PIGV: variants seen among roughly 807,000 people sequenced by gnomAD.
The protein encoded by PIGV is phosphatidylinositol glycan anchor biosynthesis class V.
In PIGV, 27 loss-of-function variants were observed where a neutral mutation model predicts 39.2. The observed-to-expected ratio is 0.69, with a 90% CI of 0.51 to 0.95. The LOEUF is 0.95. Among genes scored for constraint, PIGV ranks in the 40% least tolerant of loss-of-function variants. The probability of loss-of-function intolerance (pLI) is 0.00; values close to 1 mark genes in which losing one functional copy is unlikely to be tolerated. For synonymous variants in PIGV, 232 were observed against 241.7 expected (o/e 0.96, Z 0.37); for missense variants, 523 against 586.4 (o/e 0.89, Z 1.12).
At position 26,799,086 on chromosome 1, in the gene PIGV, C is replaced by A. The variant is rs1206133633; in HGVS notation, c.*1242C>A. Among the ~76,000 whole-genome samples the A allele has an allele frequency of 2.6e-5, 4 of 152,184 alleles. No homozygotes were observed. Among genetic ancestry groups the A allele is most frequent in the Non-Finnish European group, 5.9e-5 (4 of 68,036 alleles). On this transcript the variant is annotated 3_prime_UTR_variant, in exon 4 of 4. Transcript: ENST00000674202. ...TGATTTTAGGAGAAAATATCCAGTT[C>A]TCCTGTTTTCAGCAATTAGAAGAAA... is the stretch of plus-strand genomic sequence containing the variant.
At chr1:26,792,841 G>A (rs2081330354) in intron 2 of PIGV, among the ~76,000 whole-genome samples, 1 of 152,204 alleles carries the variant, frequency 6.6e-6, no homozygotes, top group African/African-American at 2.4e-5. Flanking sequence ...TAATGAAGAT[G>A]ATGTGTGCAG....
At position 26,789,800 on chromosome 1, in the gene PIGV, A is replaced by AT. The variant is rs533958874; in HGVS notation, c.-57-949dup. On this transcript the variant is annotated intron_variant, in intron 1 of 3. Transcript: ENST00000674202. The stretch of plus-strand genomic sequence containing the variant: ...GTCCTCCTTAAATTTCTCAGTTCAA[A>AT]TTTTTTTTTTCCTTTTAGGCATAGT... 6.0e-3 allele frequency among the ~76,000 whole-genome samples: 909 copies of AT among 150,490 alleles called. 10 individuals carry two copies. Among genetic ancestry groups the AT allele is most frequent in the Non-Finnish European group, 9.9e-3 (670 of 67,462 alleles).
upstream of PIGV, among the ~76,000 whole-genome samples, chr1:26,787,136 A>G (rs1026646335): frequency 6.6e-6 from 1 of 152,242 alleles, no homozygotes; most frequent in African/African-American, 2.4e-5. Flanking sequence ...CTGAGAAACA[A>G]GAAATCCACC....
chr1:26,792,865 GTC>G (rs1416619653), intron 2 of PIGV, among the ~76,000 whole-genome samples: 1 of 152,234 alleles, frequency 6.6e-6, no homozygotes, highest in African/African-American at 2.4e-5. Context: ...CCTGAAAAGA[GTC>G]TATCACTTGA....
Position 26,799,976 on chromosome 1 carries a change from G to A in PIGV, c.*2132G>A, listed in dbSNP as rs1233961307. Among the ~76,000 whole-genome samples, 1 of 152,114 alleles carries A rather than the reference G, an allele frequency of 6.6e-6. No homozygotes were observed. Among genetic ancestry groups the A allele is most frequent in the African/African-American group, 2.4e-5 (1 of 41,410 alleles). Reference sequence around the variant, plus strand: ...CACTGGGTTCTTCGCTCTCCTCTTTGCCTCCTTTTGGGGGATAATCAGGAC... The same window carrying A: ...CACTGGGTTCTTCGCTCTCCTCTTTACCTCCTTTTGGGGGATAATCAGGAC... On this transcript the variant is annotated 3_prime_UTR_variant, in exon 4 of 4. Coordinates refer to ENST00000674202, the MANE Select transcript of PIGV (RefSeq NM_017837.4).
chr1:26,791,995 G>A (rs944323062), intron 2 of PIGV, among the ~76,000 whole-genome samples: 4 of 152,160 alleles, frequency 2.6e-5, no homozygotes, highest in Non-Finnish European at 4.4e-5. Context: ...GCTCTAATTC[G>A]GGTGGTAATT....
chr1:26,792,082 C>T (rs1208310112), intron 2 of PIGV, among the ~76,000 whole-genome samples: 1 of 152,216 alleles, frequency 6.6e-6, no homozygotes, highest in Admixed American at 6.5e-5. Context: ...GTTCCAAGAA[C>T]TGTGCTAGGT....
Position 26,794,832 on chromosome 1 carries a change from A to T in PIGV, c.798A>T (p.Pro266=). 1 of 1,613,906 alleles carries T rather than the reference A, an allele frequency of 6.2e-7. No homozygotes were observed. Among genetic ancestry groups the T allele is most frequent in the Non-Finnish European group, 8.5e-7 (1 of 1,179,810 alleles). ...QYYAYTQFCL[P]GSARPIPEPL... ...ATGCCTACACCCAATTCTGTCTGCCAGGCTCAGCCCGCCCCATTCCTGAGC... is the reference window on the plus strand; with the variant it reads ...ATGCCTACACCCAATTCTGTCTGCCTGGCTCAGCCCGCCCCATTCCTGAGC... Residue 266 remains proline (P), a synonymous_variant, in exon 3 of 4, where the codon CCA becomes CCT. Coordinates refer to ENST00000674202, the MANE Select transcript of PIGV (RefSeq NM_017837.4).
At chr1:26,788,862 G>A (rs2081274613) in intron 1 of PIGV, 1 of 152,268 alleles carries the variant, frequency 6.6e-6, no homozygotes. Flanking sequence ...TGGCAAAGGG[G>A]TTGTTGGGAA....
At chr1:26,796,780 T>G (rs2081389835) in intron 3 of PIGV, among the ~76,000 whole-genome samples, 1 of 152,200 alleles carries the variant, frequency 6.6e-6, no homozygotes, top group African/African-American at 2.4e-5. Flanking sequence ...GGTTCTCAAC[T>G]CAGGCAGGCC....
In PIGV at chr1:26,794,882, A is replaced by G. The variant is rs1480010905; in HGVS notation, c.848A>G (p.Lys283Arg). The change falls in exon 3 of 4, where the codon AAG (lysine) becomes AGG (arginine). Residue 283 changes from lysine (K) to arginine (R), a missense_variant. Transcript: ENST00000674202. ...CCTTTGGTACAGTTAGCTGTAGACA[A>G]GGGCTACCGGATTGCAGAGGGAAAT... The part of the protein sequence containing the change: ...PEPLVQLAVD[K>R]GYRIAEGNEP... 1.2e-6 allele frequency: 2 copies of G among 1,614,190 alleles called. No individual in the cohort carries two copies. The highest frequency in any genetic ancestry group is 1.7e-6 in the Non-Finnish European group (2 of 1,180,036).
At chr1:26,791,755 G>A (rs1383129383) in intron 2 of PIGV, among the ~76,000 whole-genome samples, 1 of 152,174 alleles carries the variant, frequency 6.6e-6, no homozygotes, top group Non-Finnish European at 1.5e-5. Flanking sequence ...GGCTAGGGCT[G>A]TTTATCTGTG....
At chr1:26,797,438 A>G (rs2081398433) in intron 3 of PIGV, 125 bp from the exon 4 acceptor site, 3 of 797,108 alleles carry the variant, frequency 3.8e-6, no homozygotes. Flanking sequence ...TTTCTTTTCC[A>G]GTGTAATACA....
rs1401468759 is a variant in PIGV at position 26,799,127 on chromosome 1, G to A, written c.*1283G>A. Among the ~76,000 whole-genome samples, 1 of 152,208 alleles carries A rather than the reference G, an allele frequency of 6.6e-6. No homozygotes were observed. The highest frequency in any genetic ancestry group is 1.5e-5 in the Non-Finnish European group (1 of 68,040). On this transcript the variant is annotated 3_prime_UTR_variant, in exon 4 of 4. Transcript: ENST00000674202. ...TTAGAAGAAACTCCTCCTCCACCGA[G>A]TGCAACTCTTGGGAGTAATTTAGGT...
rs575831229 is a variant in PIGV, at chr1:26,797,640, G to A, written c.1278G>A (p.Pro426=). The A allele has an allele frequency of 1.9e-5, 31 of 1,613,910 alleles. No homozygotes were observed. The South Asian group carries it at 2.0e-4, about 10-fold the overall frequency. ...FPAHLLQDQE[P]LLRSLKTVPW... The stretch of plus-strand genomic sequence containing the variant: ...CTCACTTGCTTCAGGATCAAGAGCC[G>A]CTGTTGAGATCCTTAAAGACTGTGC... Residue 426 remains proline, a synonymous_variant, in exon 4 of 4, where the codon CCG becomes CCA. Transcript: ENST00000674202.
intron 2 of PIGV, among the ~76,000 whole-genome samples, chr1:26,792,483 G>A (rs1324572955): frequency 6.6e-6 from 1 of 151,910 alleles, no homozygotes; most frequent in Non-Finnish European, 1.5e-5. Flanking sequence ...GCCCGCCACC[G>A]CGCCCGGCTA....
intron 1 of PIGV, among the ~76,000 whole-genome samples, chr1:26,789,382 C>T (rs950262650): frequency 1.3e-5 from 2 of 152,240 alleles, no homozygotes; most frequent in Admixed American, 6.5e-5. Context: ...CATTGGCCAA[C>T]TTGGCTCCCT....
Position 26,798,616 on chromosome 1 carries a change from A to G in PIGV, c.*772A>G, listed in dbSNP as rs1327576827. On this transcript the variant is annotated 3_prime_UTR_variant, in exon 4 of 4. Coordinates refer to ENST00000674202, the MANE Select transcript of PIGV (RefSeq NM_017837.4). ...ATCCTACTCGGGAGGCTGAGGCATG[A>G]GAATTGCTTGAACTTGGAAGGCGGA... Among the ~76,000 whole-genome samples the G allele has an allele frequency of 1.3e-5, 2 of 152,248 alleles. No individual in the cohort carries two copies. The highest frequency in any genetic ancestry group is 2.9e-5 in the Non-Finnish European group (2 of 68,042).
rs757950414 is a variant in PIGV, at chr1:26,794,295, C to T, written c.261C>T (p.Phe87=). ...HGYLYEHNFA[F]FPGFPLALLV... The stretch of plus-strand genomic sequence containing the variant: ...ACCTGTATGAGCACAACTTTGCCTT[C>T]TTTCCTGGTTTCCCCTTGGCCCTGC... The change falls in exon 3 of 4, where the codon TTC becomes TTT. Residue 87 remains phenylalanine, a synonymous_variant. Transcript: ENST00000674202. 6.2e-7 allele frequency: 1 copy of T among 1,614,256 alleles called. No homozygotes were observed. Among genetic ancestry groups the T allele is most frequent in the Non-Finnish European group, 8.5e-7 (1 of 1,180,048 alleles).
Sources: allele counts gnomAD v4.1 joint callset (sites outside exome capture counted in the v4.1 genomes callset), GRCh38; gene constraint gnomAD v4.1.1; transcripts MANE v1.5; gene names NCBI Gene and HGNC (gene_info 2026-07-23, HGNC 2026-07-21).